The following PTGES3 variants were observed in gnomAD, a reference collection of about 807,000 sequenced individuals.
PTGES3 encodes the protein prostaglandin E synthase 3, also known as Hsp90 co-chaperone.
A neutral mutation model predicts 29.9 loss-of-function variants in PTGES3; 5 were observed. The observed-to-expected ratio is 0.17, with a 90% confidence interval of 0.09 to 0.35. The LOEUF is 0.35. Ranked by LOEUF, PTGES3 falls within the 10% of genes least tolerant of loss-of-function variation. PTGES3 has a pLI of 1.00. For missense variants in PTGES3, 128 were observed against 190.0 expected (o/e 0.67, Z 1.92); for synonymous variants, 49 against 57.8 (o/e 0.85, Z 0.69).
intron 6 of PTGES3, 83 bp from the exon 7 acceptor site, chr12:56,664,883 T>C: frequency 2.6e-6 from 4 of 1,556,524 alleles, no homozygotes. Context: ...GTTCAAGTGC[T>C]ATATTTTTGA....
intron 1 of PTGES3, chr12:56,687,185 G>C (rs570704661): frequency 7.3e-5 from 77 of 1,056,834 alleles, no homozygotes; most frequent in Non-Finnish European, 8.7e-5. Flanking sequence ...GACGACTGTA[G>C]GTTAATTAAA....
chr12:56,675,658 G>A (rs925917057), intron 1 of PTGES3, among the ~76,000 whole-genome samples: 1 of 151,940 alleles, frequency 6.6e-6, no homozygotes, highest in Non-Finnish European at 1.5e-5. Context: ...GGTGGCTCAC[G>A]CCTGTAATCT....
At chr12:56,678,367 G>C (rs1397951560) in intron 1 of PTGES3, among the ~76,000 whole-genome samples, 1 of 151,986 alleles carries the variant, frequency 6.6e-6, no homozygotes, top group Admixed American at 6.6e-5. Context: ...AGTAGAGGCA[G>C]GTTTTCACCA....
intron 1 of PTGES3, among the ~76,000 whole-genome samples, chr12:56,682,721 G>A (rs114069467): frequency 0.01 from 1,187 of 114,038 alleles, no homozygotes; most frequent in Non-Finnish European, 0.011. Context: ...CCATTTAAAA[G>A]AAAAAAAAAA....
intron 1 of PTGES3, among the ~76,000 whole-genome samples, chr12:56,686,667 G>A (rs759617844): frequency 1.4e-4 from 21 of 152,128 alleles, no homozygotes; most frequent in Admixed American, 7.9e-4. Context: ...GTGAGCCACC[G>A]CGCCCAGCCT....
intron 3 of PTGES3, 51 bp from the exon 4 acceptor site, chr12:56,671,898 G>T: frequency 9.0e-7 from 1 of 1,116,188 alleles, no homozygotes; most frequent in Non-Finnish European, 1.2e-6. Context: ...ATCACTACAT[G>T]ATAGAAAATA....
At chr12:56,680,257 A>G (rs1952465863) in intron 1 of PTGES3, among the ~76,000 whole-genome samples, 2 of 151,728 alleles carry the variant, frequency 1.3e-5, no homozygotes, top group Admixed American at 6.6e-5. Flanking sequence ...TCACATTTTT[A>G]GTAGAGATGA....
intron 7 of PTGES3, 26 bp downstream of exon 7, chr12:56,664,750 T>C (rs1475768246): frequency 6.3e-7 from 1 of 1,584,136 alleles, no homozygotes; most frequent in Admixed American, 1.8e-5. Flanking sequence ...TATCACTGTA[T>C]AAACATACTT....
intron 1 of PTGES3, among the ~76,000 whole-genome samples, chr12:56,680,129 T>C (rs562548831): frequency 1.3e-5 from 2 of 150,174 alleles, no homozygotes; most frequent in South Asian, 4.2e-4. Context: ...TGGAGTGCAA[T>C]GGCGCGATCA....
chr12:56,665,892 A>T lies in PTGES3; in HGVS notation c.438+312T>A, dbSNP rs990964075. On this transcript the variant is annotated intron_variant, in intron 6 of 7. Transcript: ENST00000262033. ...TACTCTGCCCACCTGGCCTGCTGGGATAACAGACATGAGCCACCTCGCCCG... is the reference window on the plus strand; with the variant it reads ...TACTCTGCCCACCTGGCCTGCTGGGTTAACAGACATGAGCCACCTCGCCCG... 5.2e-6 allele frequency: 5 copies of T among 964,854 alleles called. No homozygotes were observed. In the African/African-American group the frequency reaches 7.0e-5, roughly 14 times the overall value. The allele number at this position is 964,854 out of a possible 1,614,324, so 59.8% of individuals were successfully genotyped here.
chr12:56,688,072 CTTCTCTCCGGTGGCGACTCCGCTTT>C lies in PTGES3; in HGVS notation c.-98_-74del. The C allele has an allele frequency of 1.4e-6, 2 of 1,450,358 alleles. No individual in the cohort carries two copies. Among genetic ancestry groups the C allele is most frequent in the Non-Finnish European group, 1.8e-6 (2 of 1,099,390 alleles). 89.8% of individuals were successfully genotyped at this position (1,450,358 alleles called of 1,614,324 possible). On this transcript the variant is annotated 5_prime_UTR_variant, in exon 1 of 8. Coordinates refer to ENST00000262033, the MANE Select transcript of PTGES3 (RefSeq NM_006601.7). The stretch of plus-strand genomic sequence containing the variant: ...GCGGCGGCTGCTGCTAGGGAGTCGA[CTTCTCTCCGGTGGCGACTCCGCTTT>C]TTCTCTCCGGTCGCGGCCTCTTCTC...
At chr12:56,665,455 C>T (rs373192776) in intron 6 of PTGES3, 13 of 912,728 alleles carry the variant, frequency 1.4e-5, no homozygotes, top group East Asian at 1.2e-4. Flanking sequence ...CCACCATGCC[C>T]GGCTAATTTT....
At chr12:56,664,635 A>G (rs1951723031) in intron 7 of PTGES3, 137 bp from the exon 8 acceptor site, 2 of 1,372,818 alleles carry the variant, frequency 1.5e-6, no homozygotes, top group Non-Finnish European at 1.0e-6. Flanking sequence ...CTATCAAGTT[A>G]TTCACATTTC....
rs959736155 is a variant in PTGES3, at chr12:56,663,523, CAAAT to C, written c.*952_*955del. ...AGAGGAATAATCCCAAATTCTTCCT[CAAAT>C]AAACTCCATTCCAGTAAATGGTAAA... On this transcript the variant is annotated 3_prime_UTR_variant, in exon 8 of 8. Coordinates refer to ENST00000262033, the MANE Select transcript of PTGES3 (RefSeq NM_006601.7). The C allele has an allele frequency of 2.0e-5, 3 of 152,502 alleles. No individual in the cohort carries two copies. The highest frequency in any genetic ancestry group is 7.2e-5 in the African/African-American group (3 of 41,516). The allele number at this position is 152,502 out of a possible 1,614,324, so 9.4% of individuals were successfully genotyped here. A position where few individuals can be genotyped will look rare whatever the true frequency, so the allele number is the denominator to read the frequency against.
At chr12:56,668,934 G>T (rs150929914) in intron 5 of PTGES3, among the ~76,000 whole-genome samples, 4 of 151,560 alleles carry the variant, frequency 2.6e-5, no homozygotes, top group African/African-American at 9.7e-5. Context: ...AACGTTATTT[G>T]GGTGACATCT....
rs547294526 is a variant in PTGES3 at position 56,664,909 on chromosome 12, T to C, written c.439-109A>G. ...ATATTTTTGACTAAAGTAGCACAGG[T>C]AGGTAGTCATATCAAGCCTAGAAAT... On this transcript the variant is annotated intron_variant, in intron 6 of 7. Transcript: ENST00000262033. 2.0e-3 allele frequency: 2,954 copies of C among 1,481,756 alleles called. 2 individuals are homozygous for C. The highest frequency in any genetic ancestry group is 2.5e-3 in the Non-Finnish European group (2,820 of 1,114,196). 91.8% of individuals were successfully genotyped at this position (1,481,756 alleles called of 1,614,324 possible). A position where few individuals can be genotyped will look rare whatever the true frequency, so the allele number is the denominator to read the frequency against.
chr12:56,666,125 A>G, intron 6 of PTGES3, 79 bp downstream of exon 6: 4 of 1,473,756 alleles, frequency 2.7e-6, no homozygotes, highest in Non-Finnish European at 3.6e-6. Context: ...GTGAATCTAT[A>G]TAAAACCATT....
chr12:56,686,087 T>C (rs1293270755), intron 1 of PTGES3, among the ~76,000 whole-genome samples: 2 of 142,290 alleles, frequency 1.4e-5, no homozygotes, highest in Non-Finnish European at 3.1e-5. Context: ...CACTTACTTT[T>C]CACCCAAGTT....
At chr12:56,670,399 G>T (rs1365276195) in intron 4 of PTGES3, 35 bp from the exon 5 acceptor site, 4 of 1,468,798 alleles carry the variant, frequency 2.7e-6, no homozygotes, top group Non-Finnish European at 3.8e-6. Flanking sequence ...CTAAGATTAG[G>T]CTAATTTGCA....
Sources: gnomAD v4.1 joint callset for allele counts (sites outside exome capture counted in the v4.1 genomes callset) on GRCh38, gnomAD v4.1.1 for gene constraint, MANE v1.5 for transcripts, NCBI Gene and HGNC (gene_info 2026-07-23, HGNC 2026-07-21) for gene names.